Variants in VPS39 observed in about 807,000 individuals in gnomAD.
VPS39 encodes the protein VPS39 subunit of HOPS complex.
VPS39 carries 70 observed loss-of-function variants against 121.0 expected under a neutral mutation model. The observed-to-expected ratio is 0.58, with a 90% CI of 0.48 to 0.71. The LOEUF is 0.71. Ranked by LOEUF, VPS39 falls within the 30% of genes least tolerant of loss-of-function variation. VPS39 has a pLI of 0.00. For synonymous variants in VPS39, 378 were observed against 398.1 expected, an observed-to-expected ratio of 0.95 and a Z score of 0.60; for missense variants, 818 against 1,051.5, an observed-to-expected ratio of 0.78 and a Z score of 3.07.
At chr15:42,175,590 C>G (rs1292062891) in intron 10 of VPS39, among the ~76,000 whole-genome samples, 2 of 151,960 alleles carry the variant, frequency 1.3e-5, no homozygotes, top group East Asian at 1.9e-4. Flanking sequence ...TTAGTTTTTT[C>G]TTTCAAAATG....
chr15:42,179,678 T>G (rs1460117590), intron 8 of VPS39, among the ~76,000 whole-genome samples: 2 of 150,598 alleles, frequency 1.3e-5, no homozygotes, highest in African/African-American at 4.9e-5. Context: ...GAAGGCAAAT[T>G]CTGTTTTCCC....
Position 42,191,514 on chromosome 15 carries a change from G to A in VPS39, c.186C>T (p.Phe62=). 1 of 1,614,020 alleles carries A rather than the reference G, an allele frequency of 6.2e-7. No individual in the cohort carries two copies. Among genetic ancestry groups the A allele is most frequent in the South Asian group, 1.1e-5 (1 of 91,070 alleles). The part of the protein sequence containing the change: ...EVTLEKSNKN[F]SKKIQQIHVV... The stretch of plus-strand genomic sequence containing the variant: ...TGCTTACCTGCTGAATCTTTTTGGA[G>A]AAGTTCTTATTGGATTTCTCTAGTG... The change falls in exon 3 of 25, where the codon TTC becomes TTT. Residue 62 remains phenylalanine (F), a synonymous_variant. Transcript: ENST00000318006.
rs1441399183 is a variant in VPS39 at position 42,165,782 on chromosome 15, A to G, written c.1715T>C (p.Leu572Pro). Residue 572 changes from leucine to proline, a missense_variant, in exon 17 of 25, where the codon CTG becomes CCG. Transcript: ENST00000318006. ...GAAGCCGAGGACTCGATCACGTGGC[A>G]GAGACTCCACTTCCGGGAGATCTTC... Reference protein sequence around the residue: ...FTEDLPEVESLPRDRVLGFLI... With the variant: ...FTEDLPEVESPPRDRVLGFLI... 1.2e-6 allele frequency: 2 copies of G among 1,614,084 alleles called. No homozygotes were observed. Among genetic ancestry groups the G allele is most frequent in the Non-Finnish European group, 1.7e-6 (2 of 1,180,030 alleles).
At chr15:42,177,390 A>G (rs182168424) in intron 10 of VPS39, among the ~76,000 whole-genome samples, 5 of 152,182 alleles carry the variant, frequency 3.3e-5, no homozygotes, top group Admixed American at 3.3e-4. Context: ...TTTGCTGTGA[A>G]CAAGATCCCT....
chr15:42,163,000 TCAAAAA>T (rs1227422299), intron 21 of VPS39, among the ~76,000 whole-genome samples: 7 of 152,060 alleles, frequency 4.6e-5, no homozygotes, highest in Non-Finnish European at 1.0e-4. Flanking sequence ...GTCACAACAA[TCAAAAA>T]TGTCTCCAGA....
At chr15:42,184,405 T>C in intron 8 of VPS39, 112 bp downstream of exon 8, 2 of 1,127,814 alleles carry the variant, frequency 1.8e-6, no homozygotes, top group South Asian at 2.1e-5. Flanking sequence ...GAACTGAAAG[T>C]GAATGACACA....
intron 8 of VPS39, among the ~76,000 whole-genome samples, chr15:42,181,765 A>G (rs2049586110): frequency 6.6e-6 from 1 of 150,886 alleles, no homozygotes; most frequent in Non-Finnish European, 1.5e-5. Context: ...GAATGCAGTG[A>G]GTGGTGTGAT....
chr15:42,179,882 G>A (rs771103131), intron 8 of VPS39, among the ~76,000 whole-genome samples: 1 of 152,102 alleles, frequency 6.6e-6, no homozygotes, highest in African/African-American at 2.4e-5. Context: ...AATGGGAGGT[G>A]TTTAGGTGGT....
intron 11 of VPS39, among the ~76,000 whole-genome samples, chr15:42,172,044 C>T (rs1422526550): frequency 1.3e-5 from 2 of 152,176 alleles, no homozygotes; most frequent in Non-Finnish European, 2.9e-5. Flanking sequence ...GCGTGGTACA[C>T]ACCAACATAT....
chr15:42,205,089 G>T (rs1392893623), intron 1 of VPS39, among the ~76,000 whole-genome samples: 1 of 151,958 alleles, frequency 6.6e-6, no homozygotes. Context: ...TTTAACAACT[G>T]CAAGCTATTA....
rs377178823 is a variant in VPS39, at chr15:42,187,375, G to A, written c.442-12C>T. The stretch of plus-strand genomic sequence containing the variant: ...ACACTAAAGTCCCCCTGAAAAAAGA[G>A]AGCAAGGATCTGAATGAAATAAATA... On this transcript the variant is annotated splice_polypyrimidine_tract_variant and intron_variant, in intron 6 of 24. Transcript: ENST00000318006. 40 of 1,590,288 alleles carry A rather than the reference G, an allele frequency of 2.5e-5. No individual in the cohort carries two copies. In the African/African-American group the frequency reaches 4.4e-4, roughly 17 times the overall value.
intron 7 of VPS39, among the ~76,000 whole-genome samples, chr15:42,186,598 C>T (rs1343898518): frequency 6.6e-6 from 1 of 152,138 alleles, no homozygotes; most frequent in Non-Finnish European, 1.5e-5. Context: ...ATATAGTATG[C>T]ATATTGGAGA....
Position 42,162,342 on chromosome 15 carries a change from T to C in VPS39, c.2315A>G (p.Asp772Gly), listed in dbSNP as rs754282834. ...GGAACAACTCCTGACCTTGGTGGTG[T>C]CCAGTTTGCTGTGGTGTAGCTCGAG... ...QVLELHHSKL[D>G]TTKALNLLPA... The change falls in exon 22 of 25, where the codon GAC becomes GGC. Residue 772 changes from aspartate to glycine, a missense_variant. Physicochemically the swap from Asp to Gly is moderately conservative, Grantham distance 94. Transcript: ENST00000318006. The C allele has an allele frequency of 3.1e-5, 50 of 1,611,206 alleles. No individual in the cohort carries two copies. Among genetic ancestry groups the C allele is most frequent in the Non-Finnish European group, 4.2e-5 (50 of 1,178,286 alleles).
Position 42,187,316 on chromosome 15 carries a change from T to G in VPS39, c.489A>C (p.Glu163Asp), listed in dbSNP as rs745413589. The change falls in exon 7 of 25, where the codon GAA (glutamate) becomes GAC (aspartate). Residue 163 changes from glutamate (E) to aspartate (D), a missense_variant. By Grantham distance (45) the Glu-to-Asp change is conservative (BLOSUM62 2). Transcript: ENST00000318006. ...PDVPKSMAWCENSICVGFKRD... is the reference protein window; with the variant it reads ...PDVPKSMAWCDNSICVGFKRD... ...TCTTGAAACCCACACAGATAGAATT[T>G]TCACACCACGCCATGGACTTGGGCA... The G allele has an allele frequency of 3.7e-6, 6 of 1,613,702 alleles. No homozygotes were observed. The highest frequency in any genetic ancestry group is 4.2e-6 in the Non-Finnish European group (5 of 1,179,942).
intron 11 of VPS39, among the ~76,000 whole-genome samples, chr15:42,171,479 T>C (rs622442): frequency 0.31 from 47,394 of 152,112 alleles, 11,335 homozygotes; most frequent in African/African-American, 0.65. Flanking sequence ...GTGGAAGCAG[T>C]AGCAACTTGC....
chr15:42,206,808 A>G (rs2050182637), intron 1 of VPS39, among the ~76,000 whole-genome samples: 1 of 152,240 alleles, frequency 6.6e-6, no homozygotes, highest in South Asian at 2.1e-4. Context: ...TGGCCCGTGT[A>G]GCCACCTAAT....
Position 42,162,092 on chromosome 15 carries a change from A to C in VPS39, c.2400T>G (p.Asn800Lys). 1 of 1,614,176 alleles carries C rather than the reference A, an allele frequency of 6.2e-7. No individual in the cohort carries two copies. The highest frequency in any genetic ancestry group is 8.5e-7 in the Non-Finnish European group (1 of 1,180,026). Residue 800 changes from asparagine (N) to lysine (K), a missense_variant, in exon 23 of 25, where the codon AAT becomes AAG. By Grantham distance (94) the Asn-to-Lys change is moderately conservative. Coordinates refer to ENST00000318006, the MANE Select transcript of VPS39 (RefSeq NM_015289.5). ...CTTGATTGAACCGTTTCTTTTGTGCATTTTCTTCCAAGACCTTTTCCAGGA... is the reference window on the plus strand; with the variant it reads ...CTTGATTGAACCGTTTCTTTTGTGCCTTTTCTTCCAAGACCTTTTCCAGGA... ...RIFLEKVLEE[N>K]AQKKRFNQVL...
chr15:42,175,802 C>A (rs536618427), intron 10 of VPS39, among the ~76,000 whole-genome samples: 1 of 152,132 alleles, frequency 6.6e-6, no homozygotes, highest in South Asian at 2.1e-4. Flanking sequence ...GCTCCAAATG[C>A]GATAGACACA....
At chr15:42,191,977 C>G in intron 2 of VPS39, 1 of 1,448,266 alleles carries the variant, frequency 6.9e-7, no homozygotes. Context: ...TTTCCAGCAA[C>G]TATTCTAACT....
Sources: gnomAD v4.1 joint callset for allele counts (sites outside exome capture counted in the v4.1 genomes callset) on GRCh38, gnomAD v4.1.1 for gene constraint, MANE v1.5 for transcripts, NCBI Gene and HGNC (gene_info 2026-07-23, HGNC 2026-07-21) for gene names.